ADARB2: variants seen among roughly 807,000 people sequenced by gnomAD.
ADARB2 encodes the protein adenosine deaminase RNA specific B2 (inactive).
Under a neutral mutation model 62.2 loss-of-function variants are expected in ADARB2, and 25 were observed. The observed-to-expected ratio is 0.40, with a 90% CI of 0.29 to 0.56. The LOEUF is 0.56. Ranked by LOEUF, ADARB2 falls within the 20% of genes least tolerant of loss-of-function variation. ADARB2 has a pLI of 0.43. For missense variants in ADARB2, 1,071 were observed against 1,077.4 expected (o/e 0.99, Z 0.08); for synonymous variants, 572 against 500.8 (o/e 1.14, Z -1.90).
intron 1 of ADARB2, among the ~76,000 whole-genome samples, chr10:1,532,236 T>C (rs1832254687): frequency 6.6e-6 from 1 of 152,218 alleles, no homozygotes; most frequent in Non-Finnish European, 1.5e-5. Context: ...CAGACCGTTC[T>C]GTGATGCTTT....
rs1001276621 is a variant in ADARB2, at chr10:1,712,754, T to G, written c.100+24297A>C. Among the ~76,000 whole-genome samples the G allele has an allele frequency of 1.6e-4, 17 of 105,424 alleles. 1 individual carries two copies. Among genetic ancestry groups the G allele is most frequent in the South Asian group, 1.1e-3 (3 of 2,810 alleles). 69.2% of individuals were successfully genotyped at this position (105,424 alleles called of 152,430 possible). Reference sequence around the variant, plus strand: ...CTCCCGAGTAGCTGGGACTACAGGCTCCCACCACGACGCCCAACTAATTTT... The same window carrying G: ...CTCCCGAGTAGCTGGGACTACAGGCGCCCACCACGACGCCCAACTAATTTT... On this transcript the variant is annotated intron_variant, in intron 1 of 9. Coordinates refer to ENST00000381312, the MANE Select transcript of ADARB2 (RefSeq NM_018702.4).
At chr10:1,227,135 C>T (rs945642747) in intron 6 of ADARB2, among the ~76,000 whole-genome samples, 7 of 152,236 alleles carry the variant, frequency 4.6e-5, no homozygotes, top group African/African-American at 1.2e-4. Context: ...GCCTCACTGC[C>T]GCCTTGCAGT....
chr10:1,723,449 C>T (rs934434957), intron 1 of ADARB2, among the ~76,000 whole-genome samples: 3 of 152,222 alleles, frequency 2.0e-5, no homozygotes, highest in East Asian at 1.9e-4. Context: ...CTCACCATCT[C>T]GCTTTCTTCG....
intron 1 of ADARB2, among the ~76,000 whole-genome samples, chr10:1,600,661 C>CAAAAAA (rs71379153): frequency 9.9e-5 from 7 of 70,666 alleles, no homozygotes; most frequent in African/African-American, 3.0e-4. Context: ...GACTCTGTCT[C>CAAAAAA]AAAAAAAAAA....
intron 4 of ADARB2, among the ~76,000 whole-genome samples, chr10:1,260,674 C>T (rs1234435595): frequency 3.3e-5 from 5 of 150,934 alleles, no homozygotes; most frequent in African/African-American, 1.2e-4. Context: ...AATGGAAGAA[C>T]ATTCCATGCT....
intron 3 of ADARB2, among the ~76,000 whole-genome samples, chr10:1,321,075 AC>A (rs973635982): frequency 2.6e-5 from 4 of 152,318 alleles, no homozygotes; most frequent in African/African-American, 9.6e-5. Context: ...CATCTGTCAT[AC>A]TGAGGTACCA....
At chr10:1,292,164 CTG>C (rs1408885759) in intron 3 of ADARB2, 8 of 152,506 alleles carry the variant, frequency 5.2e-5, no homozygotes, top group African/African-American at 1.9e-4. Context: ...GCACCTCACT[CTG>C]TGACCCAGGC....
chr10:1,240,756 C>G (rs972712795), intron 5 of ADARB2, among the ~76,000 whole-genome samples: 4 of 152,222 alleles, frequency 2.6e-5, no homozygotes, highest in African/African-American at 9.6e-5. Context: ...GTAACCAGCT[C>G]CTGGTAAATA....
chr10:1,382,370 A>G (rs1371788777), intron 1 of ADARB2, among the ~76,000 whole-genome samples: 2 of 152,230 alleles, frequency 1.3e-5, no homozygotes, highest in African/African-American at 4.8e-5. Flanking sequence ...TGAAATTCCA[A>G]CTATGATCTG....
chr10:1,363,648 C>A lies in ADARB2; in HGVS notation c.457G>T (p.Ala153Ser). The A allele has an allele frequency of 6.2e-7, 1 of 1,606,876 alleles. No homozygotes were observed. The highest frequency in any genetic ancestry group is 1.1e-5 in the South Asian group (1 of 90,606). The stretch of plus-strand genomic sequence containing the variant: ...TCCACCGCTACCGCGAAGACCGGGG[C>A]ATGCACCGGGCCCGTCTGCGACACT... ...RTVSQTGPVH[A>S]PVFAVAVEVN... The change falls in exon 3 of 10, where the codon GCC (alanine) becomes TCC (serine). Residue 153 changes from alanine (A) to serine (S), a missense_variant. Ala to Ser is a moderately conservative substitution (Grantham distance 99, BLOSUM62 1). Coordinates refer to ENST00000381312, the MANE Select transcript of ADARB2 (RefSeq NM_018702.4).
At chr10:1,598,936 C>T (rs141558343) in intron 1 of ADARB2, among the ~76,000 whole-genome samples, 465 of 152,350 alleles carry the variant, frequency 3.1e-3, no homozygotes, top group Non-Finnish European at 4.2e-3. Flanking sequence ...CCCAGGGCCG[C>T]GGTGCACACC....
intron 3 of ADARB2, among the ~76,000 whole-genome samples, chr10:1,325,319 G>A (rs2805562): frequency 0.41 from 62,410 of 151,942 alleles, 13,965 homozygotes; most frequent in African/African-American, 0.6. Flanking sequence ...ACTTCCGACT[G>A]CACGCCTAAC....
At chr10:1,734,006 G>GTTT (rs5782600) in intron 1 of ADARB2, among the ~76,000 whole-genome samples, 1 of 148,758 alleles carries the variant, frequency 6.7e-6, no homozygotes, top group Admixed American at 6.7e-5. Flanking sequence ...CCTTCTCATA[G>GTTT]TTTTTTTTTT....
At chr10:1,319,962 G>T (rs1037433038) in intron 3 of ADARB2, among the ~76,000 whole-genome samples, 3 of 152,170 alleles carry the variant, frequency 2.0e-5, no homozygotes, top group Non-Finnish European at 4.4e-5. Context: ...ATTGTTTTGT[G>T]CAAGGTGCAG....
intron 3 of ADARB2, among the ~76,000 whole-genome samples, chr10:1,359,509 C>G (rs1434327514): frequency 3.9e-5 from 6 of 152,230 alleles, no homozygotes; most frequent in African/African-American, 1.2e-4. Context: ...TCTGAACTTC[C>G]TCTTTCAAAA....
At chr10:1,319,991 A>C (rs1368975986) in intron 3 of ADARB2, among the ~76,000 whole-genome samples, 2 of 152,236 alleles carry the variant, frequency 1.3e-5, no homozygotes, top group Non-Finnish European at 2.9e-5. Flanking sequence ...CAGTGTGTGC[A>C]CATAACACTA....
intron 3 of ADARB2, among the ~76,000 whole-genome samples, chr10:1,276,297 A>G (rs1228626088): frequency 6.6e-6 from 1 of 152,102 alleles, no homozygotes; most frequent in Non-Finnish European, 1.5e-5. Context: ...TGGCTGCATA[A>G]ATGTCTTCTT....
intron 1 of ADARB2, among the ~76,000 whole-genome samples, chr10:1,412,327 C>T (rs1170864539): frequency 4.6e-5 from 7 of 152,012 alleles, no homozygotes; most frequent in Non-Finnish European, 4.4e-5. Flanking sequence ...TTTACTGTAT[C>T]GCCTTGAAGT....
chr10:1,508,156 G>A (rs1019993762), intron 1 of ADARB2, among the ~76,000 whole-genome samples: 1 of 152,182 alleles, frequency 6.6e-6, no homozygotes, highest in South Asian at 2.1e-4. Flanking sequence ...CTTGACACTG[G>A]TGTTGGCGTT....
Sources: allele counts gnomAD v4.1 joint callset (sites outside exome capture counted in the v4.1 genomes callset), GRCh38; gene constraint gnomAD v4.1.1; transcripts MANE v1.5; gene names NCBI Gene and HGNC (gene_info 2026-07-23, HGNC 2026-07-21).